The following AP3S2 variants were observed in gnomAD, a reference collection of about 807,000 sequenced individuals.
AP3S2 encodes adaptor related protein complex 3 subunit sigma 2.
A neutral mutation model predicts 23.4 loss-of-function variants in AP3S2; 22 were observed. The observed-to-expected ratio is 0.94, with a 90% CI of 0.67 to 1.34. The LOEUF (loss-of-function observed/expected upper bound fraction) is 1.34. Ranked by LOEUF, AP3S2 falls within the 40% of genes most tolerant of loss-of-function variation. The probability of loss-of-function intolerance (pLI) is 0.00; values close to 1 mark genes in which losing one functional copy is unlikely to be tolerated. For synonymous variants in AP3S2, 86 were observed against 87.1 expected, an observed-to-expected ratio of 0.99 and a Z score of 0.07; for missense variants, 241 against 236.9, an observed-to-expected ratio of 1.02 and a Z score of -0.11.
intron 4 of AP3S2, among the ~76,000 whole-genome samples, chr15:89,841,603 T>C (rs534159491): frequency 1.3e-5 from 2 of 152,248 alleles, no homozygotes; most frequent in South Asian, 4.2e-4. Context: ...GTGGTGTCTG[T>C]GGTAGTAGAG....
At chr15:89,871,246 C>T (rs997043862) in intron 4 of AP3S2, among the ~76,000 whole-genome samples, 7 of 152,078 alleles carry the variant, frequency 4.6e-5, no homozygotes, top group Admixed American at 2.6e-4. Flanking sequence ...AGATGAACCA[C>T]GATATAGGCC....
chr15:89,877,290 T>C lies in AP3S2; in HGVS notation c.274-5744A>G, dbSNP rs759191690. 6.6e-5 allele frequency: 88 copies of C among 1,325,050 alleles called. No homozygotes were observed. In the African/African-American group the frequency reaches 1.2e-3, roughly 18 times the overall value. The allele number at this position is 1,325,050 out of a possible 1,614,324, so 82.1% of individuals were successfully genotyped here. On this transcript the variant is annotated intron_variant, in intron 3 of 5. Coordinates refer to ENST00000336418, the MANE Select transcript of AP3S2 (RefSeq NM_005829.5). ...CTTCAACGTGAGAAATGGATGCAGT[T>C]TGAAAAAGATCATACTTTTAAGGTT...
At chr15:89,845,961 C>G (rs765412051) in intron 4 of AP3S2, among the ~76,000 whole-genome samples, 5 of 152,154 alleles carry the variant, frequency 3.3e-5, no homozygotes, top group Admixed American at 6.5e-5. Context: ...CTTGGCAAAT[C>G]CAATGGTAAT....
At chr15:89,889,711 AC>A (rs1214496135) in intron 1 of AP3S2, among the ~76,000 whole-genome samples, 2 of 152,080 alleles carry the variant, frequency 1.3e-5, no homozygotes, top group African/African-American at 2.4e-5. Flanking sequence ...AAACAAAAAA[AC>A]AATTAGCTGG....
chr15:89,845,783 G>A (rs916212333), intron 4 of AP3S2: 6 of 152,198 alleles, frequency 3.9e-5, no homozygotes, highest in Non-Finnish European at 7.3e-5. Flanking sequence ...AAGTCTTCGA[G>A]AGGCCTAAAC....
intron 4 of AP3S2, among the ~76,000 whole-genome samples, chr15:89,857,410 ACT>A (rs200376048): frequency 0.012 from 1,432 of 117,826 alleles, 33 homozygotes; most frequent in African/African-American, 0.043. Context: ...AGACAAAAAC[ACT>A]CTCAGACATC....
At chr15:89,845,489 C>A (rs1018850084) in intron 4 of AP3S2, 2 of 152,190 alleles carry the variant, frequency 1.3e-5, no homozygotes, top group Non-Finnish European at 2.9e-5. Context: ...AAGTTGGAGG[C>A]TGCCAAGCAT....
intron 4 of AP3S2, among the ~76,000 whole-genome samples, chr15:89,855,945 TAAAAAAAAAA>T (rs34784306): frequency 3.6e-5 from 4 of 111,986 alleles, no homozygotes; most frequent in East Asian, 2.6e-4. Context: ...ATATGTCCTT[TAAAAAAAAAA>T]AAAAAAAAAA....
At position 89,833,578 on chromosome 15, in the gene AP3S2, T is replaced by C. The variant is rs1481044828; in HGVS notation, c.*1937A>G. 2 of 152,248 alleles carry C rather than the reference T, an allele frequency of 1.3e-5. No individual in the cohort carries two copies. Among genetic ancestry groups the C allele is most frequent in the African/African-American group, 4.8e-5 (2 of 41,466 alleles). The allele number at this position is 152,248 out of a possible 1,614,324, so 9.4% of individuals were successfully genotyped here. ...AGGTACGAAATAAACGCCGATCTCC[T>C]TTATTCTGATCTCACATTCAGCAAA... On this transcript the variant is annotated 3_prime_UTR_variant, in exon 6 of 6. Transcript: ENST00000336418.
At chr15:89,868,566 G>T (rs1386517941) in intron 4 of AP3S2, among the ~76,000 whole-genome samples, 3 of 125,626 alleles carry the variant, frequency 2.4e-5, no homozygotes, top group Admixed American at 7.6e-5. Context: ...GGAGGGAGGT[G>T]GGGGGGTCAG....
At chr15:89,853,258 G>C (rs929293788) in intron 4 of AP3S2, among the ~76,000 whole-genome samples, 1 of 152,114 alleles carries the variant, frequency 6.6e-6, no homozygotes, top group Admixed American at 6.5e-5. Context: ...GAGGCAGAGA[G>C]ACTAGTAGGA....
At chr15:89,838,026 G>C (rs748508) in intron 4 of AP3S2, 2 of 314,638 alleles carry the variant, frequency 6.4e-6, no homozygotes, top group South Asian at 6.7e-5. Context: ...CTGGGCAAAT[G>C]ACCTTTAAAG....
At chr15:89,869,570 A>G (rs1230048715) in intron 4 of AP3S2, among the ~76,000 whole-genome samples, 1 of 59,476 alleles carries the variant, frequency 1.7e-5, no homozygotes, top group Admixed American at 2.1e-4. Context: ...TTATCAATAA[A>G]AAAAAAAAAA....
intron 4 of AP3S2, among the ~76,000 whole-genome samples, chr15:89,842,443 T>C (rs1056087268): frequency 6.6e-6 from 1 of 152,190 alleles, no homozygotes; most frequent in Non-Finnish European, 1.5e-5. Flanking sequence ...AGTACCAAGA[T>C]ACACCTTTAG....
At chr15:89,891,879 C>T (rs1896829137) in intron 1 of AP3S2, among the ~76,000 whole-genome samples, 1 of 152,176 alleles carries the variant, frequency 6.6e-6, no homozygotes, top group South Asian at 2.1e-4. Context: ...AGCAATTCTA[C>T]TCCTAGGTAT....
intron 4 of AP3S2, among the ~76,000 whole-genome samples, chr15:89,855,619 C>T (rs1170921515): frequency 2.1e-5 from 3 of 142,302 alleles, no homozygotes; most frequent in Non-Finnish European, 3.1e-5. Context: ...CAGGCCAAGG[C>T]GGGCAGATCA....
At chr15:89,874,015 G>C (rs1260855624) in intron 3 of AP3S2, among the ~76,000 whole-genome samples, 1 of 150,332 alleles carries the variant, frequency 6.7e-6, no homozygotes, top group East Asian at 2.0e-4. Flanking sequence ...TGAGCAGCTG[G>C]GACTACAGGT....
intron 3 of AP3S2, among the ~76,000 whole-genome samples, chr15:89,878,727 A>G (rs145903735): frequency 8.9e-4 from 135 of 151,760 alleles, no homozygotes; most frequent in African/African-American, 3.1e-3. Context: ...ACCCGAGGCT[A>G]ATTTTTGTTG....
intron 5 of AP3S2, among the ~76,000 whole-genome samples, chr15:89,836,980 T>A (rs1282721527): frequency 6.6e-6 from 1 of 152,206 alleles, no homozygotes; most frequent in Non-Finnish European, 1.5e-5. Context: ...TGTGAAAGTA[T>A]ACGTCTGTAA....
Sources: gnomAD v4.1 joint callset for allele counts (sites outside exome capture counted in the v4.1 genomes callset) on GRCh38, gnomAD v4.1.1 for gene constraint, MANE v1.5 for transcripts, NCBI Gene and HGNC (gene_info 2026-07-23, HGNC 2026-07-21) for gene names.